KANSL1: variants seen among roughly 807,000 people sequenced by gnomAD.
KANSL1 encodes KAT8 regulatory NSL complex subunit 1.
In KANSL1, 22 loss-of-function variants were observed where a neutral mutation model predicts 103.6. The observed-to-expected ratio is 0.21, with a 90% CI of 0.15 to 0.30. KANSL1 has a LOEUF of 0.30. Among genes scored for constraint, KANSL1 ranks in the 10% least tolerant of loss-of-function variants. The pLI, the probability that KANSL1 is intolerant of heterozygous loss-of-function variation, is 1.00. For missense variants in KANSL1, 1,337 were observed against 1,399.8 expected (o/e 0.96, Z 0.72); for synonymous variants, 600 against 527.6 (o/e 1.14, Z -1.88).
intron 2 of KANSL1, among the ~76,000 whole-genome samples, chr17:46,151,581 A>C (rs2045107051): frequency 6.6e-6 from 1 of 152,230 alleles, no homozygotes; most frequent in Non-Finnish European, 1.5e-5. Context: ...TAGTAGGATA[A>C]AACTCCCTGA....
chr17:46,201,975 C>T (rs2047819784), intron 1 of KANSL1, among the ~76,000 whole-genome samples: 1 of 152,164 alleles, frequency 6.6e-6, no homozygotes, highest in African/African-American at 2.4e-5. Flanking sequence ...CTACTGCACT[C>T]CAACCTGAGT....
intron 2 of KANSL1, among the ~76,000 whole-genome samples, chr17:46,135,313 C>A (rs1258614959): frequency 1.3e-5 from 2 of 151,182 alleles, no homozygotes; most frequent in African/African-American, 2.4e-5. Flanking sequence ...TACAGTTGGG[C>A]AATGCACACA....
intron 2 of KANSL1, among the ~76,000 whole-genome samples, chr17:46,132,681 C>A (rs1298448937): frequency 6.6e-6 from 1 of 152,238 alleles, no homozygotes; most frequent in Admixed American, 6.5e-5. Context: ...GGTTCAGTGG[C>A]TCTTGCCTGC....
At chr17:46,078,916 T>C (rs944498116) in intron 4 of KANSL1, among the ~76,000 whole-genome samples, 1 of 152,234 alleles carries the variant, frequency 6.6e-6, no homozygotes, top group Non-Finnish European at 1.5e-5. Flanking sequence ...AGCATTTATC[T>C]GTACACACGA....
chr17:46,202,165 G>A (rs977087692), intron 1 of KANSL1, among the ~76,000 whole-genome samples: 3 of 152,150 alleles, frequency 2.0e-5, no homozygotes, highest in Admixed American at 2.0e-4. Context: ...GCAACAGTAT[G>A]AGACATCATC....
chr17:46,120,797 T>C (rs2043245493), intron 2 of KANSL1, among the ~76,000 whole-genome samples: 1 of 152,202 alleles, frequency 6.6e-6, no homozygotes, highest in African/African-American at 2.4e-5. Context: ...TGTTTTGAAT[T>C]TTGACAAATG....
At chr17:46,220,792 T>G (rs2048508792) in intron 1 of KANSL1, among the ~76,000 whole-genome samples, 1 of 152,208 alleles carries the variant, frequency 6.6e-6, no homozygotes, top group Non-Finnish European at 1.5e-5. Flanking sequence ...GCTCAAGCAA[T>G]TCTCCTGCCT....
Position 46,039,654 on chromosome 17 carries a change from G to T in KANSL1, c.2203+48C>A, listed in dbSNP as rs766092464. The T allele has an allele frequency of 1.9e-6, 3 of 1,567,812 alleles. No individual in the cohort carries two copies. In the South Asian group the frequency reaches 3.5e-5, roughly 19 times the overall value. On this transcript the variant is annotated intron_variant, in intron 8 of 14. Coordinates refer to ENST00000432791, the MANE Select transcript of KANSL1 (RefSeq NM_015443.4). Reference sequence around the variant, plus strand: ...ACAAATTTGAGAATATAAAAGGAATGAAAAGTCACTGATACTCTGGGGGAC... The same window carrying T: ...ACAAATTTGAGAATATAAAAGGAATTAAAAGTCACTGATACTCTGGGGGAC...
intron 6 of KANSL1, among the ~76,000 whole-genome samples, chr17:46,063,901 T>C (rs1308298293): frequency 7.0e-6 from 1 of 142,360 alleles, no homozygotes; most frequent in African/African-American, 2.5e-5. Flanking sequence ...TGGCGGTTTT[T>C]TTTTTTTTTT....
chr17:46,184,333 G>C (rs1403997985), intron 1 of KANSL1, among the ~76,000 whole-genome samples: 2 of 152,196 alleles, frequency 1.3e-5, no homozygotes, highest in Non-Finnish European at 2.9e-5. Context: ...CCCTAGTGCA[G>C]AACCTCATTA....
intron 1 of KANSL1, among the ~76,000 whole-genome samples, chr17:46,200,616 C>A (rs1424065943): frequency 2.6e-5 from 4 of 152,196 alleles, no homozygotes; most frequent in East Asian, 1.9e-4. Flanking sequence ...GTGGGGGGCA[C>A]CCGTAGTCCC....
chr17:46,208,722 C>T (rs1416955254), intron 1 of KANSL1, among the ~76,000 whole-genome samples: 1 of 151,854 alleles, frequency 6.6e-6, no homozygotes, highest in East Asian at 1.9e-4. Flanking sequence ...CCTTCCTCTC[C>T]GCGTCAGTCT....
intron 1 of KANSL1, among the ~76,000 whole-genome samples, chr17:46,178,687 G>A (rs2532254): frequency 0.12 from 18,356 of 150,228 alleles, 24 homozygotes; most frequent in Middle Eastern, 0.19. Flanking sequence ...GATGTTAAAT[G>A]CACTCAGCAA....
intron 7 of KANSL1, chr17:46,045,405 G>C (rs1396378378): frequency 7.5e-6 from 1 of 133,408 alleles, no homozygotes; most frequent in African/African-American, 2.5e-5. Flanking sequence ...TTAATCTACA[G>C]GCAAATACAG....
chr17:46,153,581 G>C (rs1027303576), intron 2 of KANSL1, among the ~76,000 whole-genome samples: 3 of 152,216 alleles, frequency 2.0e-5, no homozygotes, highest in Admixed American at 6.5e-5. Context: ...CAGAACACTA[G>C]TATAGGAAAT....
rs763570104 is a variant in KANSL1 at position 46,032,251 on chromosome 17, G to A, written c.2886C>T (p.Ala962=). 6.4e-7 allele frequency: 1 copy of A among 1,555,708 alleles called. No individual in the cohort carries two copies. Among genetic ancestry groups the A allele is most frequent in the East Asian group, 2.3e-5 (1 of 44,238 alleles). The change falls in exon 14 of 15, where the codon GCC becomes GCT. Residue 962 remains alanine (A), a synonymous_variant. Coordinates refer to ENST00000432791, the MANE Select transcript of KANSL1 (RefSeq NM_015443.4). ...AGGCAGGCTGGGGGGTGGAGGGGTTGGCACTGCCCAGCTGGGGGGTTGTCC... is the reference window on the plus strand; with the variant it reads ...AGGCAGGCTGGGGGGTGGAGGGGTTAGCACTGCCCAGCTGGGGGGTTGTCC... The part of the protein sequence containing the change: ...DGRTTPQLGS[A]NPSTPQPASP...
chr17:46,034,122 G>A (rs758661513), intron 11 of KANSL1, 39 bp downstream of exon 11: 3 of 1,609,460 alleles, frequency 1.9e-6, no homozygotes, highest in Non-Finnish European at 2.5e-6. Context: ...GCAATAGCAG[G>A]AAGAATGGGG....
At chr17:46,033,321 A>C in intron 12 of KANSL1, 82 bp downstream of exon 12, 2 of 1,479,686 alleles carry the variant, frequency 1.4e-6, no homozygotes, top group Non-Finnish European at 1.9e-6. Context: ...ACAAGTCTTC[A>C]GGCCATTTAG....
intron 1 of KANSL1, among the ~76,000 whole-genome samples, chr17:46,189,425 C>T (rs1196083608): frequency 2.6e-5 from 4 of 152,054 alleles, no homozygotes; most frequent in Admixed American, 2.6e-4. Context: ...TCGCTTATTT[C>T]TGTGTCTTAA....
Sources: gnomAD v4.1 joint callset for allele counts (sites outside exome capture counted in the v4.1 genomes callset) on GRCh38, gnomAD v4.1.1 for gene constraint, MANE v1.5 for transcripts, NCBI Gene and HGNC (gene_info 2026-07-23, HGNC 2026-07-21) for gene names.